The following PDE7A variants were observed in gnomAD, a reference collection of about 807,000 sequenced individuals.
PDE7A encodes high affinity 3',5'-cyclic-AMP phosphodiesterase 7A.
PDE7A carries 39 observed loss-of-function variants against 64.3 expected under a neutral mutation model. That is an observed-to-expected ratio of 0.61 (90% CI 0.47 to 0.79). The LOEUF (loss-of-function observed/expected upper bound fraction) is 0.79. PDE7A is among the 30% of genes least tolerant of loss of function. The pLI is 0.00. For synonymous variants in PDE7A, 203 were observed against 206.8 expected (o/e 0.98, Z 0.16); for missense variants, 470 against 582.8 (o/e 0.81, Z 1.99).
chr8:65,840,889 T>C (rs1353560108), intron 1 of PDE7A, among the ~76,000 whole-genome samples: 1 of 152,252 alleles, frequency 6.6e-6, no homozygotes. Context: ...CTAGGCCTAT[T>C]GTTCAGAGGG....
In PDE7A at chr8:65,841,524, TGCCTCCGCGCGGCGCCCGCCCTGCC is replaced by T; in HGVS notation, c.-41_-17del. On this transcript the variant is annotated 5_prime_UTR_variant, in exon 1 of 13. Transcript: ENST00000401827. ...ACACTTCCATTGAATACGCCCGCCC[TGCCTCCGCGCGGCGCCCGCCCTGCC>T]GCGGCCGCCGGCCCCTGCAGTGGGA... The T allele has an allele frequency of 6.9e-7, 1 of 1,452,654 alleles. No individual in the cohort carries two copies. 90.0% of individuals were successfully genotyped at this position (1,452,654 alleles called of 1,614,324 possible).
In PDE7A at chr8:65,739,503, T is replaced by TA; in HGVS notation, c.593dup (p.Leu198PhefsTer16). 1 of 1,551,754 alleles carries TA rather than the reference T, an allele frequency of 6.4e-7. No homozygotes were observed. The highest frequency in any genetic ancestry group is 8.6e-7 in the Non-Finnish European group (1 of 1,156,888). The stretch of plus-strand genomic sequence containing the variant: ...TGTTAATGGGTTAGAATCACTTACC[T>TA]AAAAATCTACGAAGTTTCATCATAT... On this transcript the variant is annotated frameshift_variant and splice_region_variant, in exon 6 of 13. Transcript: ENST00000401827. LOFTEE classifies it high-confidence loss of function.
intron 7 of PDE7A, among the ~76,000 whole-genome samples, chr8:65,733,228 C>G (rs1484944787): frequency 6.6e-6 from 1 of 152,200 alleles, no homozygotes; most frequent in East Asian, 1.9e-4. Context: ...TGCATCCCCA[C>G]CCTGCTCACC....
chr8:65,758,720 T>C (rs1029138096), intron 3 of PDE7A, among the ~76,000 whole-genome samples: 13 of 152,236 alleles, frequency 8.5e-5, no homozygotes, highest in African/African-American at 2.4e-4. Context: ...CTGTACAGTA[T>C]GTTCCTTTGT....
chr8:65,761,929 G>A (rs571220014), intron 3 of PDE7A, among the ~76,000 whole-genome samples: 73 of 152,136 alleles, frequency 4.8e-4, no homozygotes, highest in Middle Eastern at 3.4e-3. Context: ...CACCCAAATC[G>A]CATGTTTTCC....
In PDE7A at chr8:65,717,900, T is replaced by C. The variant is rs924005535; in HGVS notation, c.*1390A>G. The C allele has an allele frequency of 6.6e-6, 1 of 152,216 alleles. No homozygotes were observed. The highest frequency in any genetic ancestry group is 2.4e-5 in the African/African-American group (1 of 41,450). The allele number at this position is 152,216 out of a possible 1,614,324, so 9.4% of individuals were successfully genotyped here. ...AGCACCGGTTTCTCTTAAAACTAGA[T>C]TACAGTTGTGCTTACTATACATAAA... On this transcript the variant is annotated 3_prime_UTR_variant, in exon 13 of 13. Transcript: ENST00000401827.
chr8:65,726,882 C>T lies in PDE7A; in HGVS notation c.913G>A (p.Glu305Lys), dbSNP rs1806635367. 3 of 1,578,616 alleles carry T rather than the reference C, an allele frequency of 1.9e-6. No homozygotes were observed. Among genetic ancestry groups the T allele is most frequent in the Non-Finnish European group, 1.7e-6 (2 of 1,149,668 alleles). ...TGTCTTAATCCAACCTACCTGCTTT[C>T]TAATGGCAGATGTGAGAATAAGCCT... ...ESGLFSHLPL[E>K]SRQQMETQIG... is the part of the protein sequence containing the mutation. Residue 305 changes from glutamate to lysine, a missense_variant, in exon 9 of 13, where the codon GAA (glutamate) becomes AAA (lysine). Glu to Lys is a moderately conservative substitution (Grantham distance 56). Transcript: ENST00000401827.
rs1024212906 is a variant in PDE7A, at chr8:65,767,702, C to T, written c.283+12018G>A. Among the ~76,000 whole-genome samples, 5 of 152,268 alleles carry T rather than the reference C, an allele frequency of 3.3e-5. No individual in the cohort carries two copies. The South Asian group carries it at 8.3e-4, about 25-fold the overall frequency. On this transcript the variant is annotated intron_variant, in intron 3 of 12. Coordinates refer to ENST00000401827, the MANE Select transcript of PDE7A (RefSeq NM_001242318.3). The stretch of plus-strand genomic sequence containing the variant: ...TTCTGGGTGCTTCCACATAGCTTAA[C>T]ATGTAGAGTTTCTTGGAGGGTGGCG...
At chr8:65,837,758 A>T (rs1810981505) in intron 1 of PDE7A, among the ~76,000 whole-genome samples, 3 of 152,238 alleles carry the variant, frequency 2.0e-5, no homozygotes, top group Non-Finnish European at 4.4e-5. Context: ...ACAGTACAAC[A>T]TACCATTAAT....
chr8:65,798,179 C>CATATAT (rs1218978698), intron 1 of PDE7A, among the ~76,000 whole-genome samples: 26 of 118,906 alleles, frequency 2.2e-4, no homozygotes, highest in African/African-American at 6.6e-4. Context: ...TGTGTGTGTG[C>CATATAT]ATATATATAT....
chr8:65,807,079 C>T (rs1197816748), intron 1 of PDE7A, among the ~76,000 whole-genome samples: 1 of 152,170 alleles, frequency 6.6e-6, no homozygotes, highest in African/African-American at 2.4e-5. Flanking sequence ...CAGCAATCAG[C>T]TGGGATTCTG....
In PDE7A at chr8:65,715,292, T is replaced by G. The variant is rs188035651; in HGVS notation, c.*3998A>C. Among the ~76,000 whole-genome samples the G allele has an allele frequency of 6.6e-6, 1 of 152,004 alleles. No individual in the cohort carries two copies. The highest frequency in any genetic ancestry group is 1.9e-4 in the East Asian group (1 of 5,170). On this transcript the variant is annotated 3_prime_UTR_variant, in exon 13 of 13. Coordinates refer to ENST00000401827, the MANE Select transcript of PDE7A (RefSeq NM_001242318.3). ...GTCTCACACCTGTAATCCCAGCACTTTGAGAGGCCACGGTGGCAGGACTGC... is the reference window on the plus strand; with the variant it reads ...GTCTCACACCTGTAATCCCAGCACTGTGAGAGGCCACGGTGGCAGGACTGC...
intron 1 of PDE7A, among the ~76,000 whole-genome samples, chr8:65,811,799 G>T (rs1479427071): frequency 3.9e-5 from 6 of 152,120 alleles, no homozygotes; most frequent in African/African-American, 1.4e-4. Context: ...TACACGCAAG[G>T]TCAGGGAGGG....
chr8:65,739,373 T>C, intron 6 of PDE7A, 129 bp downstream of exon 6: 1 of 1,049,780 alleles, frequency 9.5e-7, no homozygotes, highest in Non-Finnish European at 1.3e-6. Flanking sequence ...AACTGTGTGT[T>C]GTTTTAAGCC....
At chr8:65,759,335 C>T (rs1304217590) in intron 3 of PDE7A, among the ~76,000 whole-genome samples, 1 of 152,140 alleles carries the variant, frequency 6.6e-6, no homozygotes, top group Non-Finnish European at 1.5e-5. Flanking sequence ...CCCCTGAGGC[C>T]AAGAGGGCCA....
chr8:65,797,004 T>TA (rs970744256), intron 1 of PDE7A, among the ~76,000 whole-genome samples: 1 of 152,106 alleles, frequency 6.6e-6, no homozygotes, highest in Admixed American at 6.5e-5. Flanking sequence ...AGTTTGATAT[T>TA]AAAAAAATCA....
intron 7 of PDE7A, among the ~76,000 whole-genome samples, chr8:65,732,520 C>T (rs1258668324): frequency 6.6e-6 from 1 of 152,148 alleles, no homozygotes; most frequent in Non-Finnish European, 1.5e-5. Context: ...CTTCAGGCAT[C>T]TATCTAATCT....
intron 1 of PDE7A, among the ~76,000 whole-genome samples, chr8:65,827,888 G>A (rs1016119657): frequency 1.3e-5 from 2 of 152,028 alleles, no homozygotes; most frequent in African/African-American, 2.4e-5. Context: ...ATTGTTAAGC[G>A]ACACATGACT....
At chr8:65,802,777 C>A (rs563708635) in intron 1 of PDE7A, among the ~76,000 whole-genome samples, 20 of 152,282 alleles carry the variant, frequency 1.3e-4, no homozygotes, top group Admixed American at 3.9e-4. Context: ...TTTGTCCCTG[C>A]CCAATCTCAT....
Sources: allele counts gnomAD v4.1 joint callset (sites outside exome capture counted in the v4.1 genomes callset), GRCh38; gene constraint gnomAD v4.1.1; transcripts MANE v1.5; gene names NCBI Gene and HGNC (gene_info 2026-07-23, HGNC 2026-07-21).